CNTN1: variants seen among roughly 807,000 people sequenced by gnomAD.
CNTN1 encodes the protein contactin-1.
In CNTN1, 38 loss-of-function variants were observed where a neutral mutation model predicts 126.4. That is an observed-to-expected ratio of 0.30 (90% CI 0.23 to 0.39). The LOEUF is 0.39. Ranked by LOEUF, CNTN1 falls within the 10% of genes least tolerant of loss-of-function variation. CNTN1 has a pLI of 1.00. For synonymous variants in CNTN1, 413 were observed against 422.6 expected (o/e 0.98, Z 0.28); for missense variants, 1,009 against 1,248.4 (o/e 0.81, Z 2.89).
At chr12:40,872,212 TTGTGTGTGTGTGTGTGTGTGTGTGTGTG>T (rs61187240) in intron 1 of CNTN1, among the ~76,000 whole-genome samples, 2 of 113,516 alleles carry the variant, frequency 1.8e-5, no homozygotes, top group Non-Finnish European at 3.7e-5. Flanking sequence ...GTTGCTTTGT[TTGTGTGTGTGTGTGTGTGTGTGTGTGTG>T]TGTGTGTGTG....
At chr12:40,705,499 A>G (rs1037604736) in intron 1 of CNTN1, among the ~76,000 whole-genome samples, 19 of 152,132 alleles carry the variant, frequency 1.2e-4, no homozygotes, top group Admixed American at 1.2e-3. Context: ...ATGTTTAATA[A>G]TAGGTTTTAG....
At chr12:40,822,146 A>ATTTTTTTTTTTTTTTTTTTTTT (rs1315956279) in intron 1 of CNTN1, among the ~76,000 whole-genome samples, 3 of 81,894 alleles carry the variant, frequency 3.7e-5, no homozygotes, top group Non-Finnish European at 7.8e-5. Flanking sequence ...CAAAATATAA[A>ATTTTTTTTTTTTTTTTTTTTTT]TCTTTTTTTT....
In CNTN1 at chr12:40,999,430, T is replaced by G. The variant is rs1948300214; in HGVS notation, c.2113+6161T>G. Among the ~76,000 whole-genome samples the G allele has an allele frequency of 2.0e-5, 3 of 152,160 alleles. No homozygotes were observed. In the South Asian group the frequency reaches 6.2e-4, roughly 32 times the overall value. ...AGCCTAAACTTAAGCTTCCTTGTAC[T>G]TAGGGTGATTTACTTCCCTGAAACA... is the stretch of plus-strand genomic sequence containing the variant. On this transcript the variant is annotated intron_variant, in intron 17 of 23. Transcript: ENST00000551295.
At chr12:41,029,242 A>G (rs376268361) in intron 23 of CNTN1, 23 bp downstream of exon 23, 360 of 1,613,542 alleles carry the variant, frequency 2.2e-4, no homozygotes, top group Non-Finnish European at 2.9e-4. Context: ...TTTAAGACAC[A>G]TTTCAACTAA....
At chr12:40,848,304 T>C (rs1050902562) in intron 1 of CNTN1, among the ~76,000 whole-genome samples, 3 of 152,202 alleles carry the variant, frequency 2.0e-5, no homozygotes, top group African/African-American at 4.8e-5. Context: ...ATTTCATTTA[T>C]ATTAAGTCAA....
intron 23 of CNTN1, among the ~76,000 whole-genome samples, chr12:41,047,585 T>C (rs994099647): frequency 2.0e-5 from 3 of 151,912 alleles, no homozygotes; most frequent in African/African-American, 7.3e-5. Flanking sequence ...TCCCACCCAT[T>C]TCCCCTTCTT....
At chr12:40,787,699 AATTTTT>A (rs1940077637) in intron 1 of CNTN1, among the ~76,000 whole-genome samples, 1 of 150,196 alleles carries the variant, frequency 6.7e-6, no homozygotes, top group Non-Finnish European at 1.5e-5. Context: ...AATAACTGTG[AATTTTT>A]TCATAAAGCA....
At position 40,761,602 on chromosome 12, in the gene CNTN1, A is replaced by G. The variant is rs114123233; in HGVS notation, c.-77+69010A>G. 9.9e-3 allele frequency among the ~76,000 whole-genome samples: 1,511 copies of G among 152,148 alleles called. 26 individuals are homozygous for G. The highest frequency in any genetic ancestry group is 0.034 in the African/African-American group (1,414 of 41,532). Reference sequence around the variant, plus strand: ...AAAGGTAAGGTTTTTTTAAAAATCTACTGGTTGGTAGCTGTTGCTTGTATG... The same window carrying G: ...AAAGGTAAGGTTTTTTTAAAAATCTGCTGGTTGGTAGCTGTTGCTTGTATG... On this transcript the variant is annotated intron_variant, in intron 1 of 23. Coordinates refer to ENST00000551295, the MANE Select transcript of CNTN1 (RefSeq NM_001843.4).
intron 3 of CNTN1, among the ~76,000 whole-genome samples, chr12:40,917,425 A>G (rs551058342): frequency 6.6e-6 from 1 of 152,198 alleles, no homozygotes; most frequent in East Asian, 1.9e-4. Context: ...TGAGCTTTGG[A>G]GAGATTAAAT....
intron 1 of CNTN1, among the ~76,000 whole-genome samples, chr12:40,833,068 T>C (rs1941911078): frequency 6.6e-6 from 1 of 152,068 alleles, no homozygotes; most frequent in African/African-American, 2.4e-5. Context: ...GTTATCTTTT[T>C]TTTTTGAGAT....
chr12:40,853,472 C>T (rs1378698494), intron 1 of CNTN1, among the ~76,000 whole-genome samples: 2 of 152,106 alleles, frequency 1.3e-5, no homozygotes, highest in Non-Finnish European at 2.9e-5. Flanking sequence ...TCCAAGGCAT[C>T]CTTTGTATTT....
At chr12:40,952,184 A>C (rs1188137482) in intron 14 of CNTN1, among the ~76,000 whole-genome samples, 1 of 152,126 alleles carries the variant, frequency 6.6e-6, no homozygotes, top group African/African-American at 2.4e-5. Flanking sequence ...TGACTTGGTG[A>C]AACTAGGGCT....
At chr12:40,741,090 T>C (rs1340712919) in intron 1 of CNTN1, among the ~76,000 whole-genome samples, 2 of 152,064 alleles carry the variant, frequency 1.3e-5, no homozygotes, top group Non-Finnish European at 2.9e-5. Flanking sequence ...ATATAATTGA[T>C]GGTTAGTAAA....
intron 1 of CNTN1, among the ~76,000 whole-genome samples, chr12:40,753,587 C>T (rs1229529459): frequency 1.3e-5 from 2 of 152,010 alleles, no homozygotes; most frequent in Admixed American, 6.6e-5. Flanking sequence ...CATGAGATCT[C>T]GTGAGAACTC....
intron 1 of CNTN1, among the ~76,000 whole-genome samples, chr12:40,797,528 A>T (rs1189115785): frequency 5.3e-5 from 8 of 152,178 alleles, no homozygotes; most frequent in Non-Finnish European, 4.4e-5. Context: ...GAGGCTAGTG[A>T]TGATACAGGA....
chr12:40,711,366 T>C (rs1306788772), intron 1 of CNTN1, among the ~76,000 whole-genome samples: 2 of 152,174 alleles, frequency 1.3e-5, no homozygotes, highest in Non-Finnish European at 2.9e-5. Context: ...CAATTTATTG[T>C]AGAGAAAAAG....
chr12:40,698,266 C>T (rs1365773106), intron 1 of CNTN1, among the ~76,000 whole-genome samples: 2 of 126,386 alleles, frequency 1.6e-5, no homozygotes, highest in East Asian at 2.2e-4. Flanking sequence ...TACGGAGTCT[C>T]GCTCTGTCGC....
intron 1 of CNTN1, among the ~76,000 whole-genome samples, chr12:40,842,079 C>G (rs948184086): frequency 2.0e-5 from 3 of 151,632 alleles, no homozygotes; most frequent in African/African-American, 7.3e-5. Flanking sequence ...ACTCATAAAC[C>G]CTAATCTAAG....
chr12:40,957,269 AAGAAG>A (rs1338017885), intron 14 of CNTN1, among the ~76,000 whole-genome samples: 1 of 151,920 alleles, frequency 6.6e-6, no homozygotes, highest in African/African-American at 2.4e-5. Context: ...TTCCAAGAGA[AAGAAG>A]AGAAAAGAAG....
Sources: gnomAD v4.1 joint callset for allele counts (sites outside exome capture counted in the v4.1 genomes callset) on GRCh38, gnomAD v4.1.1 for gene constraint, MANE v1.5 for transcripts, NCBI Gene and HGNC (gene_info 2026-07-23, HGNC 2026-07-21) for gene names.